SCN4A: variants seen among roughly 807,000 people sequenced by gnomAD.
SCN4A encodes sodium channel protein type 4 subunit alpha.
SCN4A carries 83 observed loss-of-function variants against 162.0 expected under a neutral mutation model. The ratio of observed to expected loss-of-function variants is 0.51; its 90% CI spans 0.43 to 0.61. SCN4A has a LOEUF of 0.61. Ranked by LOEUF, SCN4A falls within the 20% of genes least tolerant of loss-of-function variation. SCN4A has a pLI of 0.00. For synonymous variants in SCN4A, 944 were observed against 985.1 expected, an observed-to-expected ratio of 0.96 and a Z score of 0.78; for missense variants, 2,196 against 2,462.5, an observed-to-expected ratio of 0.89 and a Z score of 2.29.
chr17:63,963,582 C>T (rs1380759714), intron 10 of SCN4A, 90 bp downstream of exon 10: 25 of 1,384,494 alleles, frequency 1.8e-5, no homozygotes, highest in Non-Finnish European at 2.2e-5. Context: ...GCACAGGGCA[C>T]TCACCTTCCA....
rs779989592 is a variant in SCN4A at position 63,972,342 on chromosome 17, G to A, written c.392+10C>T. The A allele has an allele frequency of 6.2e-7, 1 of 1,612,306 alleles. No individual in the cohort carries two copies. Among genetic ancestry groups the A allele is most frequent in the South Asian group, 1.1e-5 (1 of 90,904 alleles). ...AACCCCTCCCGCCTCTCCCATCTTG[G>A]GCAGGATATGCATGGATGAGCACCT... On this transcript the variant is annotated intron_variant, in intron 2 of 23. Coordinates refer to ENST00000435607, the MANE Select transcript of SCN4A (RefSeq NM_000334.4). The surrounding 1 kb of genome is among the most constrained non-coding windows in gnomAD (Gnocchi z 4.3).
chr17:63,960,777 A>G (rs988402130), intron 11 of SCN4A, among the ~76,000 whole-genome samples: 1 of 152,056 alleles, frequency 6.6e-6, no homozygotes, highest in African/African-American at 2.4e-5. Context: ...AGCCAGGGCT[A>G]TAGGTCACAC....
rs2227907 is a variant in SCN4A at position 63,940,879 on chromosome 17, G to A, written c.5403C>T (p.Ala1801=). The A allele has an allele frequency of 0.023, 36,389 of 1,613,594 alleles. 6,704 individuals carry two copies. In the African/African-American group the frequency reaches 0.41, roughly 18 times the overall value. Residue 1801 remains alanine (A), a synonymous_variant, in exon 24 of 24, where the codon GCC becomes GCT. Coordinates refer to ENST00000435607, the MANE Select transcript of SCN4A (RefSeq NM_000334.4). ...TGGGCATCAGCCCCATAGTGGGTCC[G>A]GCGTCCCCTGCCTCGCCCTTCTCCT... is the stretch of plus-strand genomic sequence containing the variant. ...SPEEKGEAGD[A]GPTMGLMPIS...
intron 11 of SCN4A, among the ~76,000 whole-genome samples, chr17:63,959,753 G>A (rs1353289775): frequency 2.0e-5 from 3 of 152,210 alleles, no homozygotes; most frequent in African/African-American, 7.2e-5. Context: ...TTTGCAGGGC[G>A]CTCTGTGGTT....
chr17:63,951,582 G>C lies in SCN4A; in HGVS notation c.2695C>G (p.Leu899Val). ...KDNHILNHMGLADGPPSSLEL... is the reference protein window; with the variant it reads ...KDNHILNHMGVADGPPSSLEL... ...AGGCTGGATGGGGGGCCGTCAGCCAGGCCCATGTGGTTCAGGATGTGATTG... is the reference window on the plus strand; with the variant it reads ...AGGCTGGATGGGGGGCCGTCAGCCACGCCCATGTGGTTCAGGATGTGATTG... Residue 899 changes from leucine to valine, a missense_variant, in exon 14 of 24, where the codon CTG (leucine) becomes GTG (valine). By Grantham distance (32) the Leu-to-Val change is conservative. Coordinates refer to ENST00000435607, the MANE Select transcript of SCN4A (RefSeq NM_000334.4). This position sits in a 1 kb window ranked among gnomAD's most constrained non-coding sequence, Gnocchi z 4.5. The C allele has an allele frequency of 6.2e-7, 1 of 1,613,966 alleles. No individual in the cohort carries two copies. The highest frequency in any genetic ancestry group is 8.5e-7 in the Non-Finnish European group (1 of 1,179,858).
At position 63,940,948 on chromosome 17, in the gene SCN4A, C is replaced by A. The variant is rs779474162; in HGVS notation, c.5334G>T (p.Lys1778Asn). ...TGTTCCCATTCTCGTGGCCATACAT[C>A]TTGCTCATGGTGTTGGCAAGCAGCC... ...KEGLLANTMS[K>N]MYGHENGNSS... is the part of the protein sequence containing the mutation. Residue 1778 changes from lysine (K) to asparagine (N), a missense_variant, in exon 24 of 24, where the codon AAG becomes AAT. Lys to Asn is a moderately conservative substitution (Grantham distance 94, BLOSUM62 0). Transcript: ENST00000435607. 3 of 1,613,864 alleles carry A rather than the reference C, an allele frequency of 1.9e-6. No homozygotes were observed. Among genetic ancestry groups the A allele is most frequent in the Non-Finnish European group, 2.5e-6 (3 of 1,179,848 alleles).
chr17:63,948,585 G>C, intron 16 of SCN4A, 26 bp downstream of exon 16: 11 of 1,605,902 alleles, frequency 6.8e-6, no homozygotes, highest in Non-Finnish European at 9.4e-6. Flanking sequence ...CCCTGCCCCT[G>C]ACCCGTGCTC....
In SCN4A at chr17:63,971,671, C is replaced by A. The variant is rs984225258; in HGVS notation, c.611+51G>T. On this transcript the variant is annotated intron_variant, in intron 4 of 23. Coordinates refer to ENST00000435607, the MANE Select transcript of SCN4A (RefSeq NM_000334.4). Reference sequence around the variant, plus strand: ...GCAGCTTCCCTCTTTAAGGCCTGGCCCCCTCCCCTCACCCACCCCAGCCTC... The same window carrying A: ...GCAGCTTCCCTCTTTAAGGCCTGGCACCCTCCCCTCACCCACCCCAGCCTC... 23 of 1,533,940 alleles carry A rather than the reference C, an allele frequency of 1.5e-5. 1 individual carries two copies. The South Asian group carries it at 2.6e-4, about 18-fold the overall frequency.
intron 5 of SCN4A, among the ~76,000 whole-genome samples, chr17:63,969,040 G>C (rs989332087): frequency 6.6e-6 from 1 of 152,026 alleles, no homozygotes; most frequent in African/African-American, 2.4e-5. Flanking sequence ...ATGAGGTTTC[G>C]CTATGTTGGA....
Position 63,971,726 on chromosome 17 carries a change from T to C in SCN4A, c.607A>G (p.Met203Val), listed in dbSNP as rs1249992691. The change falls in exon 4 of 24, where the codon ATG becomes GTG. Residue 203 changes from methionine (M) to valine (V), a missense_variant. Met to Val is a conservative substitution (Grantham distance 21). Coordinates refer to ENST00000435607, the MANE Select transcript of SCN4A (RefSeq NM_000334.4). ...WNWLDFSVIM[M>V]AYLTEFVDLG... ...TGTCCTGGGGCCCCTGCTCACGCCA[T>C]CATGATGACACTGAAGTCCAGCCAG... is the stretch of plus-strand genomic sequence containing the variant. 1 of 1,596,020 alleles carries C rather than the reference T, an allele frequency of 6.3e-7. No homozygotes were observed. Among genetic ancestry groups the C allele is most frequent in the African/African-American group, 1.3e-5 (1 of 74,552 alleles).
intron 10 of SCN4A, among the ~76,000 whole-genome samples, chr17:63,961,896 G>T (rs1207951086): frequency 2.0e-5 from 1 of 49,446 alleles, no homozygotes; most frequent in East Asian, 5.3e-4. Context: ...AAGCTCCTCC[G>T]CCTCACAGAG....
chr17:63,944,842 T>A lies in SCN4A; in HGVS notation c.3775-32A>T. 6.2e-7 allele frequency: 1 copy of A among 1,610,250 alleles called. No homozygotes were observed. Among genetic ancestry groups the A allele is most frequent in the East Asian group, 2.2e-5 (1 of 44,750 alleles). Reference sequence around the variant, plus strand: ...GAGCCACAGGGTGGGACGGCGTGGGTTTGCACGCTGGCTTCTCCCTGCCCC... The same window carrying A: ...GAGCCACAGGGTGGGACGGCGTGGGATTGCACGCTGGCTTCTCCCTGCCCC... On this transcript the variant is annotated intron_variant, in intron 20 of 23. Coordinates refer to ENST00000435607, the MANE Select transcript of SCN4A (RefSeq NM_000334.4). This position sits in a 1 kb window ranked among gnomAD's most constrained non-coding sequence, Gnocchi z 4.3.
chr17:63,943,694 C>G (rs1393851915), intron 22 of SCN4A, 52 bp downstream of exon 22: 2 of 1,209,976 alleles, frequency 1.7e-6, no homozygotes, highest in Non-Finnish European at 2.4e-6. Context: ...CATCAGTCCC[C>G]TAGGCAGGAG....
chr17:63,961,482 C>T lies in SCN4A; in HGVS notation c.1607-51G>A, dbSNP rs1021621319. 5 of 1,325,366 alleles carry T rather than the reference C, an allele frequency of 3.8e-6. No homozygotes were observed. The Admixed American group carries it at 6.8e-5, about 18-fold the overall frequency. 82.1% of individuals were successfully genotyped at this position (1,325,366 alleles called of 1,614,324 possible). Reference sequence around the variant, plus strand: ...CTGGTGAGGATTATCCCCTCACGTGCCCCCGGCTCCAGCTAGAGCTTTTGT... The same window carrying T: ...CTGGTGAGGATTATCCCCTCACGTGTCCCCGGCTCCAGCTAGAGCTTTTGT... On this transcript the variant is annotated intron_variant, in intron 10 of 23. Transcript: ENST00000435607.
chr17:63,942,928 AGAT>A lies in SCN4A; in HGVS notation c.4183_4185del (p.Ile1395del). On this transcript the variant is annotated inframe_deletion, in exon 23 of 24. Transcript: ENST00000435607. ...ATCTTGAGCACGCACTCCCCTGTGAAGATGATGATGAAGATCATGTTGATGTTG... is the reference window on the plus strand; with the variant it reads ...ATCTTGAGCACGCACTCCCCTGTGAAGATGATGAAGATCATGTTGATGTTG... The A allele has an allele frequency of 6.2e-7, 1 of 1,614,050 alleles. No individual in the cohort carries two copies. The highest frequency in any genetic ancestry group is 8.5e-7 in the Non-Finnish European group (1 of 1,179,890).
At chr17:63,963,283 G>A (rs931762406) in intron 10 of SCN4A, among the ~76,000 whole-genome samples, 1 of 152,106 alleles carries the variant, frequency 6.6e-6, no homozygotes, top group African/African-American at 2.4e-5. Flanking sequence ...TGAGGAGCAG[G>A]ATGTCCAGTT....
chr17:63,958,584 A>C (rs1454042124), intron 12 of SCN4A, among the ~76,000 whole-genome samples: 1 of 152,080 alleles, frequency 6.6e-6, no homozygotes, highest in African/African-American at 2.4e-5. Context: ...ACAGAGTCTC[A>C]ATCTGTTACC....
chr17:63,966,195 GT>G lies in SCN4A; in HGVS notation c.1148del (p.Asn383ThrfsTer21). The G allele has an allele frequency of 6.2e-7, 1 of 1,602,416 alleles. No homozygotes were observed. Among genetic ancestry groups the G allele is most frequent in the Non-Finnish European group, 8.5e-7 (1 of 1,174,614 alleles). On this transcript the variant is annotated frameshift_variant, in exon 8 of 24. Coordinates refer to ENST00000435607, the MANE Select transcript of SCN4A (RefSeq NM_000334.4). LOFTEE classifies it high-confidence loss of function. ...AGGTGTCATAGCTGGTGTAGCCATA[GT>G]TGGGGTTCCGCCCGGTCTTGATGCA... ...YECIKTGRNP[N>X]YGYTSYDTFS...
At chr17:63,958,611 G>C (rs1472190981) in intron 12 of SCN4A, among the ~76,000 whole-genome samples, 1 of 152,170 alleles carries the variant, frequency 6.6e-6, no homozygotes, top group Non-Finnish European at 1.5e-5. Context: ...GGAGTGCAGT[G>C]GTGCGATCTC....
Sources: allele counts gnomAD v4.1 joint callset (sites outside exome capture counted in the v4.1 genomes callset), GRCh38; gene constraint gnomAD v4.1.1; non-coding constraint Gnocchi (gnomAD v3.1); transcripts MANE v1.5; gene names NCBI Gene and HGNC (gene_info 2026-07-23, HGNC 2026-07-21).